Variants in ZFPM2 observed in about 807,000 individuals in gnomAD.
The protein encoded by ZFPM2 is zinc finger protein, FOG family member 2, also known as zinc finger protein ZFPM2.
A neutral mutation model predicts 98.6 loss-of-function variants in ZFPM2; 20 were observed. That is an observed-to-expected ratio of 0.20 (90% CI 0.14 to 0.29). The LOEUF is 0.29. Ranked by LOEUF, ZFPM2 falls within the 10% of genes least tolerant of loss-of-function variation. The probability of loss-of-function intolerance (pLI) is 1.00; values close to 1 mark genes in which losing one functional copy is unlikely to be tolerated. For missense variants in ZFPM2, 1,310 were observed against 1,388.6 expected, an observed-to-expected ratio of 0.94 and a Z score of 0.90; for synonymous variants, 518 against 502.7, an observed-to-expected ratio of 1.03 and a Z score of -0.41.
At chr8:105,499,453 A>G (rs1344970700) in intron 3 of ZFPM2, among the ~76,000 whole-genome samples, 1 of 152,204 alleles carries the variant, frequency 6.6e-6, no homozygotes, top group African/African-American at 2.4e-5. Flanking sequence ...ATTGTAATCT[A>G]AAACAAAACA....
chr8:105,490,985 AT>A (rs1386392731), intron 3 of ZFPM2, among the ~76,000 whole-genome samples: 9 of 152,208 alleles, frequency 5.9e-5, no homozygotes, highest in Non-Finnish European at 1.3e-4. Flanking sequence ...TATCAAAGAT[AT>A]AAATCCCAAG....
intron 5 of ZFPM2, among the ~76,000 whole-genome samples, chr8:105,638,183 A>G (rs1816885561): frequency 2.0e-5 from 3 of 151,940 alleles, no homozygotes; most frequent in African/African-American, 7.3e-5. Flanking sequence ...GTGAAAAGAG[A>G]GCTTTTCTGG....
chr8:105,493,422 G>C (rs1225418179), intron 3 of ZFPM2, among the ~76,000 whole-genome samples: 1 of 152,174 alleles, frequency 6.6e-6, no homozygotes, highest in Non-Finnish European at 1.5e-5. Context: ...AGATGATGAA[G>C]TCCACAATTT....
intron 1 of ZFPM2, among the ~76,000 whole-genome samples, chr8:105,334,070 T>A (rs985224505): frequency 1.3e-5 from 2 of 150,748 alleles, no homozygotes; most frequent in African/African-American, 4.9e-5. Flanking sequence ...CATTGTGGAA[T>A]GTGAATGTCA....
intron 7 of ZFPM2, among the ~76,000 whole-genome samples, chr8:105,800,824 T>A (rs533939379): frequency 1.3e-5 from 2 of 152,208 alleles, no homozygotes; most frequent in Non-Finnish European, 2.9e-5. Context: ...TATTCCACTT[T>A]GATGCCATAA....
intron 1 of ZFPM2, among the ~76,000 whole-genome samples, chr8:105,328,569 G>A (rs1743410378): frequency 6.6e-6 from 1 of 151,824 alleles, no homozygotes; most frequent in Non-Finnish European, 1.5e-5. Context: ...TGCCATTAAA[G>A]TAGGAAGCCA....
At chr8:105,594,952 G>C (rs73309946) in intron 4 of ZFPM2, among the ~76,000 whole-genome samples, 1,813 of 152,190 alleles carry the variant, frequency 0.012, 30 homozygotes, top group African/African-American at 0.041. Flanking sequence ...GATGATTTCT[G>C]ATGGAGGATT....
chr8:105,536,155 A>C (rs920428014), intron 3 of ZFPM2, among the ~76,000 whole-genome samples: 1 of 152,186 alleles, frequency 6.6e-6, no homozygotes, highest in African/African-American at 2.4e-5. Flanking sequence ...TTTAGCCCTA[A>C]GTTCTGAAAG....
intron 5 of ZFPM2, among the ~76,000 whole-genome samples, chr8:105,721,113 C>G (rs1811652240): frequency 6.6e-6 from 1 of 151,800 alleles, no homozygotes; most frequent in Non-Finnish European, 1.5e-5. Flanking sequence ...GTTCCAGGAC[C>G]ACTGAAGATA....
chr8:105,526,560 C>A (rs765091428), intron 3 of ZFPM2, among the ~76,000 whole-genome samples: 6 of 152,048 alleles, frequency 3.9e-5, no homozygotes, highest in Non-Finnish European at 7.4e-5. Context: ...TTTATATTTG[C>A]ATTTGAGGTT....
intron 5 of ZFPM2, among the ~76,000 whole-genome samples, chr8:105,679,923 A>G (rs1810563434): frequency 6.6e-6 from 1 of 152,200 alleles, no homozygotes; most frequent in Non-Finnish European, 1.5e-5. Context: ...TATTTCTTCA[A>G]GAAACTTTAC....
chr8:105,571,240 G>A (rs1815348701), intron 4 of ZFPM2, among the ~76,000 whole-genome samples: 1 of 152,128 alleles, frequency 6.6e-6, no homozygotes, highest in African/African-American at 2.4e-5. Context: ...AGATTTCATT[G>A]CTACTGTCAT....
At chr8:105,602,073 C>G (rs535331165) in intron 4 of ZFPM2, among the ~76,000 whole-genome samples, 13 of 152,182 alleles carry the variant, frequency 8.5e-5, no homozygotes, top group African/African-American at 3.1e-4. Context: ...AACTTGATAG[C>G]TCATACTTGC....
At chr8:105,444,657 G>A (rs571513804) in intron 3 of ZFPM2, among the ~76,000 whole-genome samples, 20 of 151,902 alleles carry the variant, frequency 1.3e-4, no homozygotes, top group Non-Finnish European at 2.4e-4. Flanking sequence ...TTGAACAAAG[G>A]ATCTTTAAGC....
chr8:105,534,215 C>T (rs1814392010), intron 3 of ZFPM2, among the ~76,000 whole-genome samples: 1 of 56,842 alleles, frequency 1.8e-5, no homozygotes, highest in Non-Finnish European at 3.1e-5. Flanking sequence ...CTTCTTCCTT[C>T]TTTTCTTCCT....
chr8:105,713,773 G>A (rs1053433765), intron 5 of ZFPM2, among the ~76,000 whole-genome samples: 1 of 152,156 alleles, frequency 6.6e-6, no homozygotes, highest in African/African-American at 2.4e-5. Context: ...GGTTATAGGT[G>A]TGTGGCTTTA....
chr8:105,767,829 C>T (rs1307119151), intron 5 of ZFPM2, among the ~76,000 whole-genome samples: 2 of 151,770 alleles, frequency 1.3e-5, no homozygotes, highest in African/African-American at 2.4e-5. Flanking sequence ...ATTTAATTTC[C>T]AAAATCATTC....
chr8:105,387,989 T>A (rs1456993428), intron 1 of ZFPM2: 4 of 152,220 alleles, frequency 2.6e-5, no homozygotes, highest in Non-Finnish European at 5.9e-5. Flanking sequence ...ATAAAATGCT[T>A]AAGATTTTAC....
At chr8:105,672,488 T>A (rs951857426) in intron 5 of ZFPM2, among the ~76,000 whole-genome samples, 1 of 152,110 alleles carries the variant, frequency 6.6e-6, no homozygotes, top group Non-Finnish European at 1.5e-5. Context: ...TTACTATAAT[T>A]GTGAGTGAAA....
Sources: gnomAD v4.1 joint callset for allele counts (sites outside exome capture counted in the v4.1 genomes callset) on GRCh38, gnomAD v4.1.1 for gene constraint, MANE v1.5 for transcripts, NCBI Gene and HGNC (gene_info 2026-07-23, HGNC 2026-07-21) for gene names.